DSCAM: variants seen among roughly 807,000 people sequenced by gnomAD.
DSCAM encodes the protein cell adhesion molecule DSCAM.
A neutral mutation model predicts 217.7 loss-of-function variants in DSCAM; 47 were observed. The ratio of observed to expected loss-of-function variants is 0.22; its 90% CI spans 0.17 to 0.28. The LOEUF (loss-of-function observed/expected upper bound fraction) is 0.28. Among genes scored for constraint, DSCAM ranks in the 10% least tolerant of loss-of-function variants. The probability of loss-of-function intolerance (pLI) is 1.00; values close to 1 mark genes in which losing one functional copy is unlikely to be tolerated. For missense variants in DSCAM, 2,080 were observed against 2,618.3 expected, an observed-to-expected ratio of 0.79 and a Z score of 4.49; for synonymous variants, 1,056 against 1,015.3, an observed-to-expected ratio of 1.04 and a Z score of -0.76.
intron 11 of DSCAM, among the ~76,000 whole-genome samples, chr21:40,237,252 A>C (rs2146935014): frequency 6.6e-6 from 1 of 152,300 alleles, no homozygotes; most frequent in Middle Eastern, 3.4e-3. Context: ...TCTGGGGTAC[A>C]TGTGGAGAAC....
At chr21:40,798,996 T>C (rs2091715848) in intron 1 of DSCAM, among the ~76,000 whole-genome samples, 1 of 152,162 alleles carries the variant, frequency 6.6e-6, no homozygotes. Context: ...ACTTCTAAAA[T>C]TAAGCTACTG....
intron 2 of DSCAM, among the ~76,000 whole-genome samples, chr21:40,706,310 C>T (rs999111274): frequency 7.9e-5 from 12 of 152,148 alleles, no homozygotes; most frequent in Admixed American, 5.9e-4. Context: ...GCAAAGGCAG[C>T]CTGGGTAAGG....
intron 1 of DSCAM, among the ~76,000 whole-genome samples, chr21:40,749,491 A>C (rs1009500419): frequency 2.0e-5 from 3 of 152,214 alleles, no homozygotes; most frequent in African/African-American, 7.2e-5. Context: ...ATCACTAATC[A>C]TCAGGGAAAT....
At chr21:40,599,719 C>T (rs931183448) in intron 3 of DSCAM, among the ~76,000 whole-genome samples, 3 of 151,816 alleles carry the variant, frequency 2.0e-5, no homozygotes, top group Non-Finnish European at 4.4e-5. Flanking sequence ...GCTAGATAGA[C>T]TAGTAAAGAA....
At chr21:40,055,940 C>A in intron 28 of DSCAM, 100 bp from the exon 29 acceptor site, 1 of 815,512 alleles carries the variant, frequency 1.2e-6, no homozygotes, top group Non-Finnish European at 2.1e-6. Flanking sequence ...TCTAAATATA[C>A]AAATACCTTG....
chr21:40,097,940 C>CAA (rs1311731207), intron 20 of DSCAM, among the ~76,000 whole-genome samples: 1 of 10,122 alleles, frequency 9.9e-5, no homozygotes, highest in African/African-American at 5.1e-4. Flanking sequence ...GACTCTGTCT[C>CAA]AAAAAAAAAA....
chr21:40,326,326 T>G (rs1255015973), intron 8 of DSCAM, among the ~76,000 whole-genome samples: 5 of 152,184 alleles, frequency 3.3e-5, no homozygotes, highest in Non-Finnish European at 7.3e-5. Flanking sequence ...GTTCTTGTCT[T>G]CAGGACAGAG....
At chr21:40,118,088 C>T (rs1487579723) in intron 20 of DSCAM, among the ~76,000 whole-genome samples, 1 of 152,128 alleles carries the variant, frequency 6.6e-6, no homozygotes, top group Admixed American at 6.6e-5. Flanking sequence ...TTGTGGAAAT[C>T]TATCTAGGTC....
intron 3 of DSCAM, among the ~76,000 whole-genome samples, chr21:40,574,494 G>A (rs949797763): frequency 9.9e-5 from 15 of 152,186 alleles, no homozygotes; most frequent in Admixed American, 2.0e-4. Context: ...GGCATTTACA[G>A]AAGATATACA....
intron 1 of DSCAM, among the ~76,000 whole-genome samples, chr21:40,722,720 T>C (rs1310574292): frequency 6.6e-6 from 1 of 152,024 alleles, no homozygotes; most frequent in Admixed American, 6.6e-5. Context: ...CTAAACACTC[T>C]TAAAAGTAAA....
At chr21:40,501,428 CTG>C (rs1047794610) in intron 3 of DSCAM, among the ~76,000 whole-genome samples, 4 of 152,100 alleles carry the variant, frequency 2.6e-5, no homozygotes, top group Non-Finnish European at 5.9e-5. Context: ...CCTTTTCAAT[CTG>C]TGTCTTGAGT....
At chr21:40,259,117 C>T (rs1416801345) in intron 11 of DSCAM, among the ~76,000 whole-genome samples, 3 of 152,194 alleles carry the variant, frequency 2.0e-5, no homozygotes, top group African/African-American at 7.2e-5. Context: ...TGCATACTAA[C>T]ATATACTCTG....
At chr21:40,683,894 C>T (rs764505987) in intron 3 of DSCAM, among the ~76,000 whole-genome samples, 1 of 151,936 alleles carries the variant, frequency 6.6e-6, no homozygotes, top group East Asian at 1.9e-4. Flanking sequence ...CAGACGCGGG[C>T]GCAAAAACAC....
intron 14 of DSCAM, among the ~76,000 whole-genome samples, chr21:40,185,308 T>C (rs2090881544): frequency 6.6e-6 from 1 of 152,148 alleles, no homozygotes. Flanking sequence ...TGTGGTCTCC[T>C]TGCCAGTCCT....
chr21:40,078,850 A>C lies in DSCAM; in HGVS notation c.4548T>G (p.Phe1516Leu), dbSNP rs201602690. 5.4e-4 allele frequency: 870 copies of C among 1,614,218 alleles called. 3 individuals are homozygous for C. The highest frequency in any genetic ancestry group is 4.7e-3 in the South Asian group (425 of 91,078). ...GAGCTGTGGTCCAAACTGTGGTCCCAAAGGGCCTGTACTCTAGTGTGAAGG... is the reference window on the plus strand; with the variant it reads ...GAGCTGTGGTCCAAACTGTGGTCCCCAAGGGCCTGTACTCTAGTGTGAAGG... ...ITSFTLEYRP[F>L]GTTVWTTAQR... Residue 1516 changes from phenylalanine (F) to leucine (L), a missense_variant, in exon 26 of 33, where the codon TTT (phenylalanine) becomes TTG (leucine). Coordinates refer to ENST00000400454, the MANE Select transcript of DSCAM (RefSeq NM_001389.5).
intron 9 of DSCAM, among the ~76,000 whole-genome samples, chr21:40,298,903 G>A (rs1601529074): frequency 6.6e-6 from 1 of 152,164 alleles, no homozygotes; most frequent in Non-Finnish European, 1.5e-5. Flanking sequence ...CATCAAAGAA[G>A]TGTATATGAG....
chr21:40,317,740 C>A (rs1039925334), intron 8 of DSCAM, among the ~76,000 whole-genome samples: 4 of 152,052 alleles, frequency 2.6e-5, no homozygotes, highest in African/African-American at 9.7e-5. Context: ...ACCATGTTGG[C>A]CAGGCTGGTC....
chr21:40,271,223 G>A (rs1445479084), intron 11 of DSCAM, among the ~76,000 whole-genome samples: 1 of 152,132 alleles, frequency 6.6e-6, no homozygotes, highest in South Asian at 2.1e-4. Flanking sequence ...CATTACATAG[G>A]CTGGACTAGA....
At chr21:40,049,215 CAG>C (rs2088890338) in intron 30 of DSCAM, among the ~76,000 whole-genome samples, 1 of 152,278 alleles carries the variant, frequency 6.6e-6, no homozygotes, top group Admixed American at 6.5e-5. Flanking sequence ...TCAGCACTCT[CAG>C]AATGAAATGC....
Sources: gnomAD v4.1 joint callset for allele counts (sites outside exome capture counted in the v4.1 genomes callset) on GRCh38, gnomAD v4.1.1 for gene constraint, MANE v1.5 for transcripts, NCBI Gene and HGNC (gene_info 2026-07-23, HGNC 2026-07-21) for gene names.